CDC42SE2: variants seen among roughly 807,000 people sequenced by gnomAD.
The protein encoded by CDC42SE2 is CDC42 small effector protein 2.
CDC42SE2 carries 3 observed loss-of-function variants against 11.5 expected under a neutral mutation model. That is an observed-to-expected ratio of 0.26 (90% confidence interval 0.12 to 0.67). The LOEUF (loss-of-function observed/expected upper bound fraction) is 0.67. CDC42SE2 is among the 30% of genes least tolerant of loss of function. The pLI is 0.80. For missense variants in CDC42SE2, 82 were observed against 106.8 expected, an observed-to-expected ratio of 0.77 and a Z score of 1.02; for synonymous variants, 33 against 34.8, an observed-to-expected ratio of 0.95 and a Z score of 0.18.
At chr5:131,253,929 C>T (rs181278663) in intron 1 of CDC42SE2, among the ~76,000 whole-genome samples, 16 of 152,264 alleles carry the variant, frequency 1.1e-4, no homozygotes, top group African/African-American at 1.7e-4. Context: ...TATGCATGTT[C>T]GGATGTGTCC....
At chr5:131,351,339 T>C (rs414675) in intron 2 of CDC42SE2, among the ~76,000 whole-genome samples, 65,333 of 151,854 alleles carry the variant, frequency 0.43, 18,024 homozygotes, top group African/African-American at 0.79. Flanking sequence ...ACTGCAAGCT[T>C]TGCCTCCCGG....
intron 2 of CDC42SE2, among the ~76,000 whole-genome samples, chr5:131,349,011 A>G (rs559190542): frequency 2.6e-5 from 4 of 152,306 alleles, no homozygotes; most frequent in Admixed American, 2.6e-4. Flanking sequence ...AAAGACTTAA[A>G]TGTTAGACCT....
At chr5:131,251,553 G>A (rs1309712621) in intron 1 of CDC42SE2, among the ~76,000 whole-genome samples, 1 of 151,956 alleles carries the variant, frequency 6.6e-6, no homozygotes, top group Non-Finnish European at 1.5e-5. Flanking sequence ...ATTTTATATT[G>A]TGAGAGAAAG....
At chr5:131,314,445 T>C (rs567346693) in intron 1 of CDC42SE2, among the ~76,000 whole-genome samples, 1 of 152,094 alleles carries the variant, frequency 6.6e-6, no homozygotes, top group Non-Finnish European at 1.5e-5. Context: ...CTCCCTGTGT[T>C]TCCCAGGCTG....
At chr5:131,221,524 A>G in the CDC42SE2 span, among the ~76,000 whole-genome samples, 1 of 152,096 alleles carries the variant, frequency 6.6e-6, no homozygotes, top group Admixed American at 6.6e-5. Flanking sequence ...AAATACCAAA[A>G]AAAAAGTGAG....
At chr5:131,349,762 G>T (rs1372558730) in intron 2 of CDC42SE2, among the ~76,000 whole-genome samples, 1 of 150,908 alleles carries the variant, frequency 6.6e-6, no homozygotes, top group East Asian at 1.9e-4. Context: ...TGTACATAGT[G>T]TTAAATAGAG....
At chr5:131,337,220 T>C (rs1758590499) in intron 2 of CDC42SE2, among the ~76,000 whole-genome samples, 2 of 152,224 alleles carry the variant, frequency 1.3e-5, no homozygotes, top group Admixed American at 1.3e-4. Context: ...TTTTGGAGTT[T>C]ACTGGAGGTC....
intron 1 of CDC42SE2, among the ~76,000 whole-genome samples, chr5:131,276,174 C>T (rs535539173): frequency 6.8e-6 from 1 of 146,784 alleles, no homozygotes; most frequent in South Asian, 2.1e-4. Flanking sequence ...TGGCCAGGTG[C>T]GATAGGCTAA....
chr5:131,222,410 A>G, the CDC42SE2 span, among the ~76,000 whole-genome samples: 1 of 152,360 alleles, frequency 6.6e-6, no homozygotes, highest in South Asian at 2.1e-4. Context: ...AGGGAGAATG[A>G]ATAATAGTCC....
At chr5:131,363,337 T>C (rs976776339) in intron 3 of CDC42SE2, among the ~76,000 whole-genome samples, 3 of 152,082 alleles carry the variant, frequency 2.0e-5, no homozygotes, top group Non-Finnish European at 4.4e-5. Context: ...CACATAGCAC[T>C]GATTTTTTGT....
chr5:131,314,138 A>G (rs1015231727), intron 1 of CDC42SE2, among the ~76,000 whole-genome samples: 2 of 152,268 alleles, frequency 1.3e-5, no homozygotes, highest in East Asian at 3.9e-4. Context: ...TATGAACATA[A>G]TATTATTCTC....
chr5:131,390,608 G>C (rs1750621489), intron 4 of CDC42SE2, among the ~76,000 whole-genome samples: 1 of 152,004 alleles, frequency 6.6e-6, no homozygotes, highest in African/African-American at 2.4e-5. Flanking sequence ...CTGGGAGGTG[G>C]AGGTTGCAGT....
intron 1 of CDC42SE2, among the ~76,000 whole-genome samples, chr5:131,251,830 T>A (rs563496493): frequency 6.6e-6 from 1 of 152,018 alleles, no homozygotes. Flanking sequence ...CCTAGACACA[T>A]AGTGAGACCT....
intron 2 of CDC42SE2, among the ~76,000 whole-genome samples, chr5:131,332,844 C>G (rs528322038): frequency 4.8e-4 from 73 of 152,074 alleles, no homozygotes; most frequent in East Asian, 3.9e-3. Context: ...ATTTGTTTGA[C>G]TTCATTGTAG....
the CDC42SE2 span, among the ~76,000 whole-genome samples, chr5:131,236,613 G>C: frequency 6.6e-6 from 1 of 152,104 alleles, no homozygotes; most frequent in Non-Finnish European, 1.5e-5. Context: ...TTTTAGTAGA[G>C]ATGGGGTTTC....
chr5:131,373,613 C>T (rs1336451784), intron 3 of CDC42SE2, among the ~76,000 whole-genome samples: 9 of 152,100 alleles, frequency 5.9e-5, no homozygotes, highest in African/African-American at 9.7e-5. Context: ...CACTAAGCCT[C>T]GTTTGGATGG....
chr5:131,370,807 A>AT (rs947245705), intron 3 of CDC42SE2, among the ~76,000 whole-genome samples: 9 of 150,900 alleles, frequency 6.0e-5, no homozygotes, highest in African/African-American at 9.7e-5. Flanking sequence ...AATAGCATGA[A>AT]TTTTTTTTTT....
At chr5:131,258,540 G>A (rs1320915006) in intron 2 of CDC42SE2, among the ~76,000 whole-genome samples, 1 of 151,944 alleles carries the variant, frequency 6.6e-6, no homozygotes, top group Non-Finnish European at 1.5e-5. Flanking sequence ...GAGGTGAGGG[G>A]CTGCAATGCA....
chr5:131,224,448 A>G, the CDC42SE2 span, among the ~76,000 whole-genome samples: 4,229 of 152,072 alleles, frequency 0.028, 140 homozygotes, highest in African/African-American at 0.081. Flanking sequence ...TCTCTCTGCC[A>G]CATCTCACAT....
Sources: allele counts gnomAD v4.1 joint callset (sites outside exome capture counted in the v4.1 genomes callset), GRCh38; gene constraint gnomAD v4.1.1; transcripts MANE v1.5; gene names NCBI Gene and HGNC (gene_info 2026-07-23, HGNC 2026-07-21).